Variants in OR2C1 observed in about 807,000 individuals in gnomAD.
OR2C1 encodes olfactory receptor 2C1.
For missense variants in OR2C1, 468 were observed against 388.3 expected, an observed-to-expected ratio of 1.21 and a Z score of -1.73; for synonymous variants, 209 against 167.3, an observed-to-expected ratio of 1.25 and a Z score of -1.92.
At chr16:3,346,357 A>C in the OR2C1 span, among the ~76,000 whole-genome samples, 1 of 152,162 alleles carries the variant, frequency 6.6e-6, no homozygotes, top group East Asian at 1.9e-4. Flanking sequence ...CCTTAAAGGC[A>C]AAGTACAAAG....
upstream of OR2C1, among the ~76,000 whole-genome samples, chr16:3,351,023 A>G (rs1439717714): frequency 6.9e-6 from 1 of 144,362 alleles, no homozygotes; most frequent in African/African-American, 2.6e-5. Context: ...TGACACAGTG[A>G]GACCCTGACT....
chr16:3,329,128 A>G, the OR2C1 span, among the ~76,000 whole-genome samples: 1 of 150,342 alleles, frequency 6.7e-6, no homozygotes, highest in Non-Finnish European at 1.5e-5. Flanking sequence ...GATCAGAAAG[A>G]GGAACACCTC....
chr16:3,340,077 G>A, the OR2C1 span, among the ~76,000 whole-genome samples: 1 of 151,974 alleles, frequency 6.6e-6, no homozygotes, highest in African/African-American at 2.4e-5. Flanking sequence ...TCAGGAGTTC[G>A]AGACCAACCT....
At chr16:3,357,317 C>T (rs76984039), downstream of OR2C1, 3,624 of 168,256 alleles carry the variant, frequency 0.022, 119 homozygotes, top group African/African-American at 0.072. Flanking sequence ...TATGAAGACC[C>T]AAACAATTCA....
chr16:3,355,411 T>C (rs528604957), upstream of OR2C1, among the ~76,000 whole-genome samples: 72 of 129,488 alleles, frequency 5.6e-4, no homozygotes, highest in African/African-American at 1.9e-3. Context: ...TGAGCCGAGA[T>C]TGCACCACTG....
the OR2C1 span, among the ~76,000 whole-genome samples, chr16:3,338,695 G>A: frequency 6.6e-6 from 1 of 151,874 alleles, no homozygotes; most frequent in Non-Finnish European, 1.5e-5. Context: ...CCGCCAGCAC[G>A]CCTGGCTAAT....
chr16:3,355,451 C>A (rs2030646374), upstream of OR2C1, among the ~76,000 whole-genome samples: 1 of 6,054 alleles, frequency 1.7e-4, no homozygotes, highest in Non-Finnish European at 5.4e-4. Context: ...GAGCGAGACT[C>A]TGTCTCAAAA....
At chr16:3,357,895 C>A (rs956743752), downstream of OR2C1, among the ~76,000 whole-genome samples, 6 of 151,974 alleles carry the variant, frequency 3.9e-5, no homozygotes, top group Non-Finnish European at 7.4e-5. Flanking sequence ...GCAGGAGAAT[C>A]GCTTGAACTC....
chr16:3,355,457 C>CAAAAAAA (rs56022625), upstream of OR2C1, among the ~76,000 whole-genome samples: 2 of 45,504 alleles, frequency 4.4e-5, no homozygotes, highest in Non-Finnish European at 7.9e-5. Flanking sequence ...GACTCTGTCT[C>CAAAAAAA]AAAAAAAAAA....
chr16:3,331,073 G>T, the OR2C1 span, among the ~76,000 whole-genome samples: 2 of 152,104 alleles, frequency 1.3e-5, no homozygotes, highest in East Asian at 3.9e-4. Flanking sequence ...TTTAATGATT[G>T]CCATTCTAAC....
At chr16:3,323,683 C>T in the OR2C1 span, 4 of 685,822 alleles carry the variant, frequency 5.8e-6, no homozygotes, top group African/African-American at 7.1e-5. Flanking sequence ...GTTTATCTGG[C>T]AATTCCAAGG....
chr16:3,328,634 G>A, the OR2C1 span, among the ~76,000 whole-genome samples: 1 of 152,182 alleles, frequency 6.6e-6, no homozygotes, highest in Non-Finnish European at 1.5e-5. Flanking sequence ...ACTGGTGTAG[G>A]AAATTGGCTC....
the OR2C1 span, chr16:3,323,306 G>A: frequency 1.0e-6 from 1 of 994,476 alleles, no homozygotes; most frequent in Non-Finnish European, 1.6e-6. Context: ...GGTGGAAAGG[G>A]CAAAAGAACC....
In OR2C1 at chr16:3,356,691, T is replaced by A; in HGVS notation, c.751T>A (p.Phe251Ile). 2 of 1,614,200 alleles carry A rather than the reference T, an allele frequency of 1.2e-6. No individual in the cohort carries two copies. The highest frequency in any genetic ancestry group is 1.7e-6 in the Non-Finnish European group (2 of 1,180,030). The change falls in exon 1 of 1, where the codon TTC becomes ATC. Residue 251 changes from phenylalanine to isoleucine, a missense_variant. Phe to Ile is a conservative substitution (Grantham distance 21, BLOSUM62 0). Coordinates refer to ENST00000304936, the MANE Select transcript of OR2C1 (RefSeq NM_012368.3). ...CTCCCATCTGCTGGTGGTGTTCCTC[T>A]TCTATGGCTCAGCCAGCTATGGGTA... ...CLSHLLVVFL[F>I]YGSASYGYLL...
Position 3,356,967 on chromosome 16 carries a change from T to A in OR2C1, c.*88T>A, listed in dbSNP as rs954502737. ...CTGGCCAGGTGAACATGAGGAATAC[T>A]AATTCCGGTAAAACCAAGGCATGTT... On this transcript the variant is annotated 3_prime_UTR_variant, in exon 1 of 1. Coordinates refer to ENST00000304936, the MANE Select transcript of OR2C1 (RefSeq NM_012368.3). 7.7e-6 allele frequency: 9 copies of A among 1,168,734 alleles called. No homozygotes were observed. The highest frequency in any genetic ancestry group is 3.1e-5 in the African/African-American group (2 of 64,268). The allele number at this position is 1,168,734 out of a possible 1,614,324, so 72.4% of individuals were successfully genotyped here.
chr16:3,345,158 G>A, the OR2C1 span, among the ~76,000 whole-genome samples: 1 of 151,868 alleles, frequency 6.6e-6, no homozygotes, highest in Admixed American at 6.6e-5. Flanking sequence ...ACATTGTGGA[G>A]GAAAAAGTGA....
the OR2C1 span, among the ~76,000 whole-genome samples, chr16:3,326,075 T>C: frequency 6.6e-6 from 1 of 152,030 alleles, no homozygotes; most frequent in East Asian, 1.9e-4. Context: ...GGATTACAGA[T>C]GTGCGCCACC....
the OR2C1 span, among the ~76,000 whole-genome samples, chr16:3,340,278 C>CAA: frequency 3.5e-4 from 52 of 149,740 alleles, no homozygotes; most frequent in South Asian, 7.6e-3. Context: ...AACTCTGTCT[C>CAA]AAAAAAAAAG....
the OR2C1 span, among the ~76,000 whole-genome samples, chr16:3,341,088 A>G: frequency 6.6e-6 from 1 of 152,018 alleles, no homozygotes; most frequent in Non-Finnish European, 1.5e-5. Context: ...AACTATAATT[A>G]CAAGATGTCT....
Sources: allele counts gnomAD v4.1 joint callset (sites outside exome capture counted in the v4.1 genomes callset), GRCh38; gene constraint gnomAD v4.1.1; transcripts MANE v1.5; gene names NCBI Gene and HGNC (gene_info 2026-07-23, HGNC 2026-07-21).